KLHL30: variants seen among roughly 807,000 people sequenced by gnomAD.
KLHL30 encodes the protein kelch like family member 30, also known as kelch-like protein 30.
Under a neutral mutation model 55.0 loss-of-function variants are expected in KLHL30, and 55 were observed. That is an observed-to-expected ratio of 1.00 (90% CI 0.80 to 1.25). The LOEUF is 1.25. Among genes scored for constraint, KLHL30 ranks in the 50% most tolerant of loss-of-function variants. The pLI, the probability that KLHL30 is intolerant of heterozygous loss-of-function variation, is 0.00. For synonymous variants in KLHL30, 356 were observed against 372.6 expected, an observed-to-expected ratio of 0.96 and a Z score of 0.51; for missense variants, 786 against 811.6, an observed-to-expected ratio of 0.97 and a Z score of 0.38.
rs1181480558 is a variant in KLHL30, at chr2:238,144,898, C to A, written c.908-4C>A. 1.9e-6 allele frequency: 3 copies of A among 1,605,774 alleles called. No individual in the cohort carries two copies. Among genetic ancestry groups the A allele is most frequent in the East Asian group, 4.5e-5 (2 of 44,664 alleles). On this transcript the variant is annotated splice_region_variant and splice_polypyrimidine_tract_variant and intron_variant, in intron 3 of 7. Transcript: ENST00000409223. Reference sequence around the variant, plus strand: ...TGACCCTTCTGCCTCTCTCTTCCTGCCAGAGAGGTGGATGGCACTTCCAGA... The same window carrying A: ...TGACCCTTCTGCCTCTCTCTTCCTGACAGAGAGGTGGATGGCACTTCCAGA...
chr2:238,141,599 G>C, intron 2 of KLHL30, 71 bp downstream of exon 2: 11 of 1,408,418 alleles, frequency 7.8e-6, no homozygotes, highest in Non-Finnish European at 1.0e-5. Context: ...CACCTGAGTA[G>C]GGACAGAGTA....
chr2:238,144,353 G>A (rs1692592214), intron 3 of KLHL30, among the ~76,000 whole-genome samples: 1 of 139,652 alleles, frequency 7.2e-6, no homozygotes, highest in Non-Finnish European at 1.6e-5. Context: ...GCTGCCAGGA[G>A]GGCAGGGAGG....
intron 3 of KLHL30, among the ~76,000 whole-genome samples, chr2:238,144,436 CA>C (rs1559276081): frequency 1.3e-5 from 1 of 78,456 alleles, no homozygotes; most frequent in Non-Finnish European, 2.7e-5. Flanking sequence ...GGAAGGAAGG[CA>C]GGCAGGCAGG....
In KLHL30 at chr2:238,151,555, G is replaced by A. The variant is rs867853938; in HGVS notation, c.*490G>A. The A allele has an allele frequency of 1.8e-5, 3 of 166,922 alleles. No homozygotes were observed. The highest frequency in any genetic ancestry group is 7.1e-5 in the African/African-American group (3 of 41,974). The allele number at this position is 166,922 out of a possible 1,614,324, so 10.3% of individuals were successfully genotyped here. A position where few individuals can be genotyped will look rare whatever the true frequency, so the allele number is the denominator to read the frequency against. ...GTGGGCCTGCTTCTGCCCAGCTCAC[G>A]GCAGCGTAACTGTGGCCAGCCACCT... On this transcript the variant is annotated 3_prime_UTR_variant, in exon 8 of 8. Coordinates refer to ENST00000409223, the MANE Select transcript of KLHL30 (RefSeq NM_198582.4).
At chr2:238,145,979 C>G in intron 5 of KLHL30, 147 bp downstream of exon 5, 2 of 1,030,440 alleles carry the variant, frequency 1.9e-6, no homozygotes, top group Non-Finnish European at 2.8e-6. Flanking sequence ...TCTGGTGGGG[C>G]GGGCAAGCCA....
At chr2:238,149,238 G>A (rs931950341) in intron 7 of KLHL30, 86 bp downstream of exon 7, 2 of 1,547,884 alleles carry the variant, frequency 1.3e-6, no homozygotes, top group African/African-American at 1.4e-5. Context: ...GAGGGATGGG[G>A]TGCCACAGAG....
chr2:238,141,249 G>A lies in KLHL30; in HGVS notation c.495G>A (p.Val165=). Residue 165 remains valine (V), a synonymous_variant, in exon 2 of 8, where the codon GTG becomes GTA. Transcript: ENST00000409223. ...TCCTGCGAGAGAACTTTGAGGCTGTGGCACGTGAGGACGAGTTCCTGCAGC... is the reference window on the plus strand; with the variant it reads ...TCCTGCGAGAGAACTTTGAGGCTGTAGCACGTGAGGACGAGTTCCTGCAGC... The part of the protein sequence containing the change: ...WAFLRENFEA[V]AREDEFLQLP... 1 of 1,606,752 alleles carries A rather than the reference G, an allele frequency of 6.2e-7. No homozygotes were observed.
chr2:238,145,117 A>G, intron 4 of KLHL30, 129 bp downstream of exon 4: 2 of 751,722 alleles, frequency 2.7e-6, no homozygotes, highest in Non-Finnish European at 4.5e-6. Flanking sequence ...ATGCATGTGA[A>G]AACAAGGACA....
intron 6 of KLHL30, among the ~76,000 whole-genome samples, chr2:238,148,355 G>A (rs950567710): frequency 1.3e-5 from 2 of 152,196 alleles, no homozygotes; most frequent in African/African-American, 4.8e-5. Flanking sequence ...GCAGCTGCCT[G>A]GCTGTTCTTC....
Position 238,149,158 on chromosome 2 carries a change from C to T in KLHL30, c.1485+6C>T, listed in dbSNP as rs778891033. 1.2e-6 allele frequency: 2 copies of T among 1,612,166 alleles called. No individual in the cohort carries two copies. On this transcript the variant is annotated splice_donor_region_variant and intron_variant, in intron 7 of 7. Coordinates refer to ENST00000409223, the MANE Select transcript of KLHL30 (RefSeq NM_198582.4). The stretch of plus-strand genomic sequence containing the variant: ...GGGCCAACCTGTGGCAGAAGGTGGG[C>T]CGCCCCCTCCCCCAACATGTGTGAG...
rs1372972181 is a variant in KLHL30 at position 238,150,850 on chromosome 2, C to T, written c.1522C>T (p.Leu508=). The part of the protein sequence containing the change: ...SQHSLHENGA[L]VPLGDALYVT... ...GCACAGCCTGCATGAGAATGGCGCG[C>T]TGGTGCCACTGGGTGATGCGCTGTA... Residue 508 remains leucine (L), a synonymous_variant, in exon 8 of 8, where the codon CTG becomes TTG. Coordinates refer to ENST00000409223, the MANE Select transcript of KLHL30 (RefSeq NM_198582.4). 1 of 1,592,694 alleles carries T rather than the reference C, an allele frequency of 6.3e-7. No individual in the cohort carries two copies. The highest frequency in any genetic ancestry group is 8.5e-7 in the Non-Finnish European group (1 of 1,171,162).
intron 3 of KLHL30, among the ~76,000 whole-genome samples, chr2:238,143,706 C>G (rs928070986): frequency 6.6e-6 from 1 of 152,196 alleles, no homozygotes; most frequent in Non-Finnish European, 1.5e-5. Context: ...GCCAGCTGTT[C>G]GGGTCAGGGG....
At chr2:238,148,103 A>G (rs1273760473) in intron 6 of KLHL30, 81 bp downstream of exon 6, 1 of 1,289,370 alleles carries the variant, frequency 7.8e-7, no homozygotes, top group African/African-American at 1.6e-5. Flanking sequence ...GATGGTGAGG[A>G]TTGGGGCTCC....
At chr2:238,150,284 TCCCA>T (rs991691447) in intron 7 of KLHL30, among the ~76,000 whole-genome samples, 14 of 152,224 alleles carry the variant, frequency 9.2e-5, no homozygotes, top group African/African-American at 3.4e-4. Flanking sequence ...GCCTCCCGCT[TCCCA>T]CCCGCCCGGG....
chr2:238,144,930 CGACTATCACAAGTGG>C lies in KLHL30; in HGVS notation c.938_952del (p.Asp313_Trp317del). 1 of 1,611,496 alleles carries C rather than the reference CGACTATCACAAGTGG, an allele frequency of 6.2e-7. No homozygotes were observed. Among genetic ancestry groups the C allele is most frequent in the Non-Finnish European group, 8.5e-7 (1 of 1,178,968 alleles). On this transcript the variant is annotated inframe_deletion, in exon 4 of 8. Transcript: ENST00000409223. ...GGTGGATGGCACTTCCAGACTTCCC[CGACTATCACAAGTGG>C]GGTTTCTCCCTGGCGGCCCTGAACA...
At chr2:238,143,198 C>T (rs923945560) in intron 3 of KLHL30, among the ~76,000 whole-genome samples, 7 of 152,206 alleles carry the variant, frequency 4.6e-5, no homozygotes, top group Non-Finnish European at 7.3e-5. Context: ...GCCCTGGAGC[C>T]GGTGTACAGG....
At chr2:238,149,684 G>C (rs1390246714) in intron 7 of KLHL30, among the ~76,000 whole-genome samples, 2 of 152,162 alleles carry the variant, frequency 1.3e-5, no homozygotes, top group African/African-American at 4.8e-5. Flanking sequence ...CTCTGCCCCA[G>C]GGTGGCCAAG....
chr2:238,143,152 C>T (rs1016047449), intron 3 of KLHL30, among the ~76,000 whole-genome samples: 5 of 152,208 alleles, frequency 3.3e-5, no homozygotes, highest in African/African-American at 1.2e-4. Flanking sequence ...GCTCCCTCTC[C>T]CTGCAGCCGG....
chr2:238,144,101 G>T (rs1356694663), intron 3 of KLHL30, among the ~76,000 whole-genome samples: 1 of 152,214 alleles, frequency 6.6e-6, no homozygotes, highest in Non-Finnish European at 1.5e-5. Flanking sequence ...GTAGCTCCGA[G>T]AGGCAGGCCT....
Sources: gnomAD v4.1 joint callset for allele counts (sites outside exome capture counted in the v4.1 genomes callset) on GRCh38, gnomAD v4.1.1 for gene constraint, MANE v1.5 for transcripts, NCBI Gene and HGNC (gene_info 2026-07-23, HGNC 2026-07-21) for gene names.